SLC16A5: variants seen among roughly 807,000 people sequenced by gnomAD.
SLC16A5 encodes the protein solute carrier family 16 member 5, also known as monocarboxylate transporter 6.
In SLC16A5, 29 loss-of-function variants were observed where a neutral mutation model predicts 33.2. The observed-to-expected ratio is 0.87, with a 90% confidence interval of 0.65 to 1.19. The LOEUF is 1.19. SLC16A5 is among the 50% of genes most tolerant of loss of function. The pLI is 0.00. For missense variants in SLC16A5, 606 were observed against 678.2 expected (o/e 0.89, Z 1.18); for synonymous variants, 248 against 284.1 (o/e 0.87, Z 1.28).
chr17:75,100,020 C>G lies in SLC16A5; in HGVS notation c.357C>G (p.Cys119Trp). Residue 119 changes from cysteine (C) to tryptophan (W), a missense_variant, in exon 5 of 7, where the codon TGC becomes TGG. Cys to Trp is a radical substitution (Grantham distance 215). Coordinates refer to ENST00000329783, the MANE Select transcript of SLC16A5 (RefSeq NM_004695.4). ...CTTGCCCCGCAGGCCTGGGCATGTG[C>G]TTCAGCTTCCAGTCAAGCATCACGG... ...TAGFITGLGM[C>W]FSFQSSITVL... 1 of 1,610,882 alleles carries G rather than the reference C, an allele frequency of 6.2e-7. No homozygotes were observed. Among genetic ancestry groups the G allele is most frequent in the South Asian group, 1.1e-5 (1 of 90,994 alleles).
intron 4 of SLC16A5, among the ~76,000 whole-genome samples, chr17:75,098,803 C>T (rs192688435): frequency 6.6e-6 from 1 of 151,990 alleles, no homozygotes; most frequent in East Asian, 1.9e-4. Context: ...AGAGGGGTGC[C>T]TCTGAGTGGA....
intron 6 of SLC16A5, chr17:75,105,655 T>A: frequency 2.0e-6 from 2 of 985,398 alleles, no homozygotes; most frequent in Non-Finnish European, 2.4e-6. Flanking sequence ...GAGGGAATGA[T>A]AAAACAGAAT....
At chr17:75,095,543 G>A (rs1251092790) in intron 3 of SLC16A5, among the ~76,000 whole-genome samples, 1 of 152,138 alleles carries the variant, frequency 6.6e-6, no homozygotes, top group Non-Finnish European at 1.5e-5. Flanking sequence ...TGTCACCTGG[G>A]CTGGAGTGCA....
intron 2 of SLC16A5, chr17:75,093,264 G>T (rs371508385): frequency 1.4e-6 from 1 of 706,898 alleles, no homozygotes. Flanking sequence ...TCCCCCTGTT[G>T]ACTTCTAAGT....
At position 75,099,521 on chromosome 17, in the gene SLC16A5, A is replaced by G. The variant is rs2073762355; in HGVS notation, c.344-486A>G. Among the ~76,000 whole-genome samples, 5 of 152,260 alleles carry G rather than the reference A, an allele frequency of 3.3e-5. No homozygotes were observed. The South Asian group carries it at 1.0e-3, about 32-fold the overall frequency. ...AACCTCCACAACCTCAGCTCACTGC[A>G]ACCTCCACTTCCCGGGTTCAAGTGA... On this transcript the variant is annotated intron_variant, in intron 4 of 6. Transcript: ENST00000329783.
chr17:75,105,922 G>C lies in SLC16A5; in HGVS notation c.1407G>C (p.Lys469Asn). 6.2e-7 allele frequency: 1 copy of C among 1,610,698 alleles called. No individual in the cohort carries two copies. Among genetic ancestry groups the C allele is most frequent in the South Asian group, 1.1e-5 (1 of 90,768 alleles). The change falls in exon 7 of 7, where the codon AAG (lysine) becomes AAC (asparagine). Residue 469 changes from lysine (K) to asparagine (N), a missense_variant. Coordinates refer to ENST00000329783, the MANE Select transcript of SLC16A5 (RefSeq NM_004695.4). ...SRQPRPAGVN[K>N]HLWGCPASSR... ...AGCCACGTCCAGCTGGCGTCAATAA[G>C]CATCTTTGGGGATGTCCTGCCTCCT... is the stretch of plus-strand genomic sequence containing the variant.
intron 2 of SLC16A5, among the ~76,000 whole-genome samples, chr17:75,090,586 G>A (rs1028583987): frequency 4.0e-5 from 6 of 150,996 alleles, no homozygotes; most frequent in South Asian, 2.1e-4. Context: ...TCAACCTCCC[G>A]AGTAGCTGCG....
At chr17:75,105,659 A>G (rs2073853566) in intron 6 of SLC16A5, 1 of 985,274 alleles carries the variant, frequency 1.0e-6, no homozygotes, top group Admixed American at 6.2e-5. Flanking sequence ...GAATGATAAA[A>G]CAGAATGTGT....
chr17:75,098,229 G>A (rs1568006630), intron 4 of SLC16A5, 48 bp downstream of exon 4: 1 of 1,609,142 alleles, frequency 6.2e-7, no homozygotes, highest in Non-Finnish European at 8.5e-7. Flanking sequence ...GCTAGAAAGT[G>A]CCAGGCACAA....
chr17:75,099,670 C>T (rs768837267), intron 4 of SLC16A5, among the ~76,000 whole-genome samples: 4 of 152,306 alleles, frequency 2.6e-5, no homozygotes, highest in Non-Finnish European at 4.4e-5. Flanking sequence ...AACTCCTGAC[C>T]TCAAGTGATC....
chr17:75,105,261 A>G (rs2073849095), intron 6 of SLC16A5: 2 of 985,294 alleles, frequency 2.0e-6, no homozygotes, highest in African/African-American at 1.7e-5. Context: ...GACCTGCTCT[A>G]TCAAGGGGCT....
intron 4 of SLC16A5, 175 bp from the exon 5 acceptor site, chr17:75,099,832 C>T: frequency 1.6e-6 from 1 of 632,600 alleles, no homozygotes; most frequent in Non-Finnish European, 2.7e-6. Context: ...GGTGGGGTGC[C>T]TACAGGGAGG....
chr17:75,101,561 GAAA>G (rs531652324), intron 5 of SLC16A5, among the ~76,000 whole-genome samples: 34 of 45,666 alleles, frequency 7.4e-4, no homozygotes, highest in African/African-American at 2.1e-3. Flanking sequence ...GACTCCATCT[GAAA>G]AAAAAAAAAA....
chr17:75,107,057 T>G (rs555320253), downstream of SLC16A5, among the ~76,000 whole-genome samples: 4 of 150,546 alleles, frequency 2.7e-5, no homozygotes, highest in South Asian at 8.4e-4. Flanking sequence ...ATGCCTGTAA[T>G]CCCAACACTT....
intron 3 of SLC16A5, 75 bp from the exon 4 acceptor site, chr17:75,097,963 C>T: frequency 6.7e-7 from 1 of 1,490,230 alleles, no homozygotes; most frequent in South Asian, 1.3e-5. Context: ...GCTGGAACTG[C>T]CCTCTCCAGC....
At chr17:75,103,353 G>C (rs534317314) in intron 5 of SLC16A5, among the ~76,000 whole-genome samples, 1 of 138,872 alleles carries the variant, frequency 7.2e-6, no homozygotes, top group East Asian at 2.1e-4. Context: ...TTTTTTTAAT[G>C]GAGTCTCACT....
chr17:75,104,639 G>A (rs2073841656), intron 6 of SLC16A5: 1 of 581,380 alleles, frequency 1.7e-6, no homozygotes, highest in South Asian at 7.6e-5. Context: ...TAGTAGAGAT[G>A]GGGTTTCTCT....
At position 75,105,984 on chromosome 17, in the gene SLC16A5, C is replaced by T. The variant is rs571882933; in HGVS notation, c.1469C>T (p.Ala490Val). ...TSHEWLLWPK[A>V]VLQAKQTALG... is the part of the protein sequence containing the mutation. ...CATGAGTGGCTCTTATGGCCAAAGG[C>T]GGTACTGCAGGCCAAGCAAACGGCT... The change falls in exon 7 of 7, where the codon GCG (alanine) becomes GTG (valine). Residue 490 changes from alanine (A) to valine (V), a missense_variant. Transcript: ENST00000329783. The T allele has an allele frequency of 1.4e-5, 22 of 1,608,186 alleles. No homozygotes were observed. The highest frequency in any genetic ancestry group is 1.0e-4 in the South Asian group (9 of 90,154).
chr17:75,088,555 G>GC (rs2073598541), intron 1 of SLC16A5, among the ~76,000 whole-genome samples: 1 of 152,180 alleles, frequency 6.6e-6, no homozygotes, highest in South Asian at 2.1e-4. Context: ...GGGTTCCTCA[G>GC]CCCCAAGCTC....
Sources: gnomAD v4.1 joint callset for allele counts (sites outside exome capture counted in the v4.1 genomes callset) on GRCh38, gnomAD v4.1.1 for gene constraint, MANE v1.5 for transcripts, NCBI Gene and HGNC (gene_info 2026-07-23, HGNC 2026-07-21) for gene names.